RASSF2: variants seen among roughly 807,000 people sequenced by gnomAD.
The protein encoded by RASSF2 is Ras association domain family member 2.
Under a neutral mutation model 46.3 loss-of-function variants are expected in RASSF2, and 34 were observed. The ratio of observed to expected loss-of-function variants is 0.73; its 90% CI spans 0.56 to 0.98. The LOEUF is 0.98. Ranked by LOEUF, RASSF2 falls within the 50% of genes least tolerant of loss-of-function variation. The probability of loss-of-function intolerance (pLI) is 0.00; values close to 1 mark genes in which losing one functional copy is unlikely to be tolerated. For synonymous variants in RASSF2, 158 were observed against 162.5 expected, an observed-to-expected ratio of 0.97 and a Z score of 0.21; for missense variants, 364 against 431.2, an observed-to-expected ratio of 0.84 and a Z score of 1.38.
rs536943136 is a variant in RASSF2, at chr20:4,800,868, CTGA to C, written c.59+101_59+103del. 907 of 948,712 alleles carry C rather than the reference CTGA, an allele frequency of 9.6e-4. 4 individuals are homozygous for C. In the African/African-American group the frequency reaches 0.013, roughly 14 times the overall value. The allele number at this position is 948,712 out of a possible 1,614,324, so 58.8% of individuals were successfully genotyped here. A position where few individuals can be genotyped will look rare whatever the true frequency, so the allele number is the denominator to read the frequency against. ...TCCCCCATGCAGGAGCCCCACCAGT[CTGA>C]TATACAGTGGGGGGCCCTCTGCCAG... On this transcript the variant is annotated intron_variant, in intron 3 of 11. Transcript: ENST00000379400.
At chr20:4,815,650 G>C (rs536910556) in intron 2 of RASSF2, among the ~76,000 whole-genome samples, 1 of 152,152 alleles carries the variant, frequency 6.6e-6, no homozygotes, top group Non-Finnish European at 1.5e-5. Flanking sequence ...CTCTCTGCAC[G>C]GCACCTGCTC....
chr20:4,808,357 G>A (rs1927508360), intron 2 of RASSF2, among the ~76,000 whole-genome samples: 3 of 152,106 alleles, frequency 2.0e-5, no homozygotes, highest in Admixed American at 6.5e-5. Flanking sequence ...GAGGCAAGGA[G>A]GAAAGAGGGG....
At chr20:4,789,777 A>G (rs1375407371) in intron 7 of RASSF2, 80 bp from the exon 8 acceptor site, 9 of 1,194,850 alleles carry the variant, frequency 7.5e-6, no homozygotes, top group Non-Finnish European at 1.1e-5. Flanking sequence ...TACAGGGCAC[A>G]GTGACAACGA....
At chr20:4,796,312 G>A (rs1926349294) in intron 4 of RASSF2, among the ~76,000 whole-genome samples, 1 of 152,252 alleles carries the variant, frequency 6.6e-6, no homozygotes, top group Non-Finnish European at 1.5e-5. Flanking sequence ...CTTGTTAACA[G>A]AAGCAAGAAC....
chr20:4,794,872 G>A (rs2122505859), intron 5 of RASSF2, among the ~76,000 whole-genome samples: 1 of 152,320 alleles, frequency 6.6e-6, no homozygotes, highest in South Asian at 2.1e-4. Context: ...ACCAGCCCCA[G>A]GGCTGGCCAC....
chr20:4,804,318 G>C (rs1219766114), intron 2 of RASSF2, among the ~76,000 whole-genome samples: 1 of 132,576 alleles, frequency 7.5e-6, no homozygotes, highest in Non-Finnish European at 1.6e-5. Flanking sequence ...CGCGCAAAAA[G>C]AAAAAAAGGA....
rs779842329 is a variant in RASSF2, at chr20:4,795,995, C to T, written c.136-29G>A. 100 of 1,467,906 alleles carry T rather than the reference C, an allele frequency of 6.8e-5. No individual in the cohort carries two copies. In the Admixed American group the frequency reaches 2.3e-3, roughly 34 times the overall value. The allele number at this position is 1,467,906 out of a possible 1,614,324, so 90.9% of individuals were successfully genotyped here. Reference sequence around the variant, plus strand: ...CCCACAAAGCAATCAGAGTAGTGAGCCTAGAAAAGCCCCCACAGAAGCCAA... The same window carrying T: ...CCCACAAAGCAATCAGAGTAGTGAGTCTAGAAAAGCCCCCACAGAAGCCAA... On this transcript the variant is annotated intron_variant, in intron 4 of 11. Transcript: ENST00000379400. The surrounding 1 kb of genome is among the most constrained non-coding windows in gnomAD (Gnocchi z 4.0).
chr20:4,819,951 C>T (rs1040711643), intron 2 of RASSF2, among the ~76,000 whole-genome samples: 3 of 152,318 alleles, frequency 2.0e-5, no homozygotes, highest in Admixed American at 1.3e-4. Flanking sequence ...TTCCCCAGCC[C>T]CAAGCTGTCA....
chr20:4,795,737 G>A lies in RASSF2; in HGVS notation c.287+78C>T. 2.0e-6 allele frequency: 3 copies of A among 1,504,866 alleles called. No individual in the cohort carries two copies. Among genetic ancestry groups the A allele is most frequent in the South Asian group, 2.5e-5 (2 of 81,150 alleles). The allele number at this position is 1,504,866 out of a possible 1,614,324, so 93.2% of individuals were successfully genotyped here. ...CAGGGTCAGGGCTGGCTGGAAGAAGGCAGCATTTATCTGCTTGAGAACACA... is the reference window on the plus strand; with the variant it reads ...CAGGGTCAGGGCTGGCTGGAAGAAGACAGCATTTATCTGCTTGAGAACACA... On this transcript the variant is annotated intron_variant, in intron 5 of 11. Coordinates refer to ENST00000379400, the MANE Select transcript of RASSF2 (RefSeq NM_014737.3). The surrounding 1 kb of genome is among the most constrained non-coding windows in gnomAD (Gnocchi z 4.0).
intron 5 of RASSF2, chr20:4,792,935 G>A: frequency 2.6e-6 from 1 of 390,802 alleles, no homozygotes; most frequent in Non-Finnish European, 4.6e-6. Context: ...TAATACCAAG[G>A]AACAAAACCC....
At chr20:4,799,845 C>T (rs921815374) in intron 3 of RASSF2, among the ~76,000 whole-genome samples, 29 of 152,366 alleles carry the variant, frequency 1.9e-4, no homozygotes, top group African/African-American at 6.7e-4. Flanking sequence ...GGTGTGGTGG[C>T]TCACGCCTGT....
intron 9 of RASSF2, 145 bp downstream of exon 9, chr20:4,788,072 C>G (rs1250003021): frequency 5.0e-6 from 4 of 797,720 alleles, no homozygotes; most frequent in South Asian, 1.6e-5. Flanking sequence ...TAGACTCATA[C>G]AGCAAGCCCA....
intron 4 of RASSF2, among the ~76,000 whole-genome samples, chr20:4,797,083 C>T (rs546352991): frequency 6.6e-6 from 1 of 152,108 alleles, no homozygotes; most frequent in Non-Finnish European, 1.5e-5. Context: ...AACAATTTTA[C>T]GGTGCTTAGG....
At chr20:4,791,219 A>AAT (rs1925847445) in intron 6 of RASSF2, among the ~76,000 whole-genome samples, 1 of 152,230 alleles carries the variant, frequency 6.6e-6, no homozygotes, top group Non-Finnish European at 1.5e-5. Flanking sequence ...TTACAGAGAC[A>AAT]GAGAGTAGAA....
At position 4,795,707 on chromosome 20, in the gene RASSF2, G is replaced by A. The variant is rs536204327; in HGVS notation, c.287+108C>T. 43 of 1,354,726 alleles carry A rather than the reference G, an allele frequency of 3.2e-5. No individual in the cohort carries two copies. The highest frequency in any genetic ancestry group is 7.0e-5 in the South Asian group (5 of 71,142). 83.9% of individuals were successfully genotyped at this position (1,354,726 alleles called of 1,614,324 possible). A position where few individuals can be genotyped will look rare whatever the true frequency, so the allele number is the denominator to read the frequency against. ...GTGGGCAGTAGAGGTAGTAGGAGGA[G>A]GAGCCAGGGTCAGGGCTGGCTGGAA... On this transcript the variant is annotated intron_variant, in intron 5 of 11. Transcript: ENST00000379400. The surrounding 1 kb of genome is among the most constrained non-coding windows in gnomAD (Gnocchi z 4.0).
In RASSF2 at chr20:4,797,068, A is replaced by G. The variant is rs181129372; in HGVS notation, c.135+942T>C. On this transcript the variant is annotated intron_variant, in intron 4 of 11. Coordinates refer to ENST00000379400, the MANE Select transcript of RASSF2 (RefSeq NM_014737.3). Reference sequence around the variant, plus strand: ...AAGGAATAAAAGAGGGAAGGAGAGAAATGAAACAATTTTACGGTGCTTAGG... The same window carrying G: ...AAGGAATAAAAGAGGGAAGGAGAGAGATGAAACAATTTTACGGTGCTTAGG... Among the ~76,000 whole-genome samples, 110 of 152,180 alleles carry G rather than the reference A, an allele frequency of 7.2e-4. 1 individual carries two copies. Among genetic ancestry groups the G allele is most frequent in the Non-Finnish European group, 1.4e-3 (96 of 68,042 alleles).
In RASSF2 at chr20:4,783,218, G is replaced by A. The variant is rs6139552; in HGVS notation, c.*1055C>T. The A allele has an allele frequency of 0.11, 16,863 of 152,208 alleles. 950 individuals carry two copies. Among genetic ancestry groups the A allele is most frequent in the East Asian group, 0.19 (977 of 5,168 alleles). The allele number at this position is 152,208 out of a possible 1,614,324, so 9.4% of individuals were successfully genotyped here. ...AAGAATGGTCTTGACTGCAAACATC[G>A]CCCCAGCTTCAAGTGCAGGAAGACC... is the stretch of plus-strand genomic sequence containing the variant. On this transcript the variant is annotated 3_prime_UTR_variant, in exon 12 of 12. Transcript: ENST00000379400.
intron 2 of RASSF2, among the ~76,000 whole-genome samples, chr20:4,808,296 G>A (rs1927502704): frequency 6.6e-6 from 1 of 151,982 alleles, no homozygotes; most frequent in African/African-American, 2.4e-5. Flanking sequence ...ACTTCCCACG[G>A]GGCCTTGGGA....
chr20:4,798,785 C>T, intron 3 of RASSF2, among the ~76,000 whole-genome samples: 1 of 150,422 alleles, frequency 6.6e-6, no homozygotes, highest in African/African-American at 2.5e-5. Context: ...GAGATCGCGC[C>T]ACTGCACTCC....
Sources: gnomAD v4.1 joint callset for allele counts (sites outside exome capture counted in the v4.1 genomes callset) on GRCh38, gnomAD v4.1.1 for gene constraint, Gnocchi (gnomAD v3.1) non-coding constraint, MANE v1.5 for transcripts, NCBI Gene and HGNC (gene_info 2026-07-23, HGNC 2026-07-21) for gene names.